Variants in ARSG observed in about 807,000 individuals in gnomAD.
ARSG encodes the protein ASG.
ARSG carries 37 observed loss-of-function variants against 50.5 expected under a neutral mutation model. The observed-to-expected ratio is 0.73, with a 90% CI of 0.56 to 0.96. The LOEUF (loss-of-function observed/expected upper bound fraction) is 0.96. ARSG is among the 50% of genes least tolerant of loss of function. ARSG has a pLI of 0.00. For missense variants in ARSG, 629 were observed against 675.3 expected (o/e 0.93, Z 0.76); for synonymous variants, 225 against 254.6 (o/e 0.88, Z 1.11).
chr17:68,431,715 G>C, the ARSG span, among the ~76,000 whole-genome samples: 1 of 8,258 alleles, frequency 1.2e-4, no homozygotes. Context: ...GCGAAGCAGG[G>C]CTGAAGAGGC....
intron 5 of ARSG, 138 bp from the exon 6 acceptor site, chr17:68,356,529 G>C: frequency 1.1e-6 from 1 of 951,898 alleles, no homozygotes; most frequent in Non-Finnish European, 1.6e-6. Context: ...TACACTTGGA[G>C]GAAATGGCCA....
At chr17:68,354,645 AGGCCGAG>A (rs1257627297) in intron 5 of ARSG, among the ~76,000 whole-genome samples, 1 of 152,060 alleles carries the variant, frequency 6.6e-6, no homozygotes, top group African/African-American at 2.4e-5. Context: ...GCACTTTGGG[AGGCCGAG>A]GTGGGTGGAT....
intron 2 of ARSG, among the ~76,000 whole-genome samples, chr17:68,317,437 T>C (rs919777710): frequency 6.6e-6 from 1 of 151,874 alleles, no homozygotes; most frequent in African/African-American, 2.4e-5. Context: ...AAAGATTGAC[T>C]ACATGAAAAA....
At chr17:68,336,938 G>A (rs1238688814) in intron 2 of ARSG, among the ~76,000 whole-genome samples, 2 of 152,180 alleles carry the variant, frequency 1.3e-5, no homozygotes, top group African/African-American at 4.8e-5. Flanking sequence ...TGAGGTGACA[G>A]GAAGATCAGG....
chr17:68,374,965 T>C (rs1421917047), intron 8 of ARSG, among the ~76,000 whole-genome samples: 4 of 152,216 alleles, frequency 2.6e-5, no homozygotes, highest in Admixed American at 2.6e-4. Context: ...GTTGAGTGCC[T>C]ACTGTTTTCT....
intron 1 of ARSG, among the ~76,000 whole-genome samples, chr17:68,292,959 A>C (rs1191721018): frequency 6.6e-6 from 1 of 152,170 alleles, no homozygotes; most frequent in Non-Finnish European, 1.5e-5. Context: ...TGGAGGGTTT[A>C]ATTTATGGTA....
At chr17:68,411,723 G>T (rs1486210715) in intron 11 of ARSG, among the ~76,000 whole-genome samples, 3 of 148,002 alleles carry the variant, frequency 2.0e-5, no homozygotes, top group African/African-American at 7.7e-5. Context: ...TGACAGTGGG[G>T]TGTTAAAGTC....
At chr17:68,362,461 G>A (rs1272563433) in intron 6 of ARSG, among the ~76,000 whole-genome samples, 1 of 151,946 alleles carries the variant, frequency 6.6e-6, no homozygotes, top group Admixed American at 6.6e-5. Context: ...ACCACACACC[G>A]TCCTCCAGGT....
At chr17:68,401,049 G>C in intron 10 of ARSG, 1 of 266,858 alleles carries the variant, frequency 3.7e-6, no homozygotes, top group South Asian at 7.3e-5. Flanking sequence ...TTCGAGACAG[G>C]ATCTTGCTCT....
At chr17:68,402,838 G>A (rs114490687) in intron 11 of ARSG, among the ~76,000 whole-genome samples, 1,818 of 152,232 alleles carry the variant, frequency 0.012, 39 homozygotes, top group African/African-American at 0.042. Flanking sequence ...TCCTGTACTA[G>A]TTTTAAGCTT....
At chr17:68,273,094 T>G (rs1239186871) in intron 1 of ARSG, among the ~76,000 whole-genome samples, 2 of 152,028 alleles carry the variant, frequency 1.3e-5, no homozygotes, top group Admixed American at 6.6e-5. Flanking sequence ...TAGAAAGAAA[T>G]AAGTCATTTC....
intron 1 of ARSG, among the ~76,000 whole-genome samples, chr17:68,300,248 G>C (rs1394704848): frequency 1.3e-5 from 2 of 152,088 alleles, no homozygotes; most frequent in African/African-American, 4.8e-5. Context: ...GCCTGGCCTG[G>C]GGCTTATTTC....
In ARSG at chr17:68,271,705, C is replaced by G; in HGVS notation, c.-552+12279C>G. 2 of 1,453,502 alleles carry G rather than the reference C, an allele frequency of 1.4e-6. No individual in the cohort carries two copies. Among genetic ancestry groups the G allele is most frequent in the African/African-American group, 1.4e-5 (1 of 70,828 alleles). 90.0% of individuals were successfully genotyped at this position (1,453,502 alleles called of 1,614,324 possible). On this transcript the variant is annotated intron_variant, in intron 1 of 11. Transcript: ENST00000448504. The surrounding 1 kb of genome is among the most constrained non-coding windows in gnomAD (Gnocchi z 5.3). ...AATAATATAAGGTCAATAATGGACTCAAGACCCAGGAGAAGCCATCAAGAA... is the reference window on the plus strand; with the variant it reads ...AATAATATAAGGTCAATAATGGACTGAAGACCCAGGAGAAGCCATCAAGAA...
intron 8 of ARSG, among the ~76,000 whole-genome samples, chr17:68,371,545 C>G (rs2079847571): frequency 6.6e-6 from 1 of 152,156 alleles, no homozygotes; most frequent in South Asian, 2.1e-4. Context: ...AAGGACCTCA[C>G]TTTCTGAGAC....
chr17:68,424,527 C>T, downstream of ARSG: 1 of 533,324 alleles, frequency 1.9e-6, no homozygotes, highest in East Asian at 5.5e-5. Flanking sequence ...TGTTTCAGTG[C>T]CCAAGTGGCA....
intron 1 of ARSG, chr17:68,285,646 C>A (rs12600946): frequency 0.36 from 54,405 of 151,954 alleles, 9,855 homozygotes; most frequent in East Asian, 0.39. Context: ...CTCCAGCCTG[C>A]GTGACAAGAA....
At chr17:68,436,993 CAAAAAAAAA>C in the ARSG span, among the ~76,000 whole-genome samples, 2 of 124,672 alleles carry the variant, frequency 1.6e-5, no homozygotes, top group Non-Finnish European at 3.5e-5. Flanking sequence ...GACCCCGTCT[CAAAAAAAAA>C]AAAATATATA....
At chr17:68,268,919 A>G (rs1350935230) in intron 1 of ARSG, 1 of 1,420,270 alleles carries the variant, frequency 7.0e-7, no homozygotes, top group African/African-American at 1.7e-5. Context: ...AAAAGCTTAA[A>G]ACAAAACAAA....
At chr17:68,323,604 A>C (rs2077380517) in intron 2 of ARSG, among the ~76,000 whole-genome samples, 1 of 152,122 alleles carries the variant, frequency 6.6e-6, no homozygotes, top group Non-Finnish European at 1.5e-5. Context: ...TGGAACCCTC[A>C]TAACCTTATC....
Sources: gnomAD v4.1 joint callset for allele counts (sites outside exome capture counted in the v4.1 genomes callset) on GRCh38, gnomAD v4.1.1 for gene constraint, Gnocchi (gnomAD v3.1) non-coding constraint, MANE v1.5 for transcripts, NCBI Gene and HGNC (gene_info 2026-07-23, HGNC 2026-07-21) for gene names.